Variants in COPS5 observed in about 807,000 individuals in gnomAD.
COPS5 encodes COP9 signalosome subunit 5, also known as COP9 signalosome complex subunit 5.
COPS5 carries 8 observed loss-of-function variants against 44.4 expected under a neutral mutation model. The observed-to-expected ratio is 0.18, with a 90% CI of 0.11 to 0.32. COPS5 has a LOEUF of 0.32. COPS5 is among the 10% of genes least tolerant of loss of function. The pLI, the probability that COPS5 is intolerant of heterozygous loss-of-function variation, is 1.00. For synonymous variants in COPS5, 122 were observed against 142.8 expected (o/e 0.85, Z 1.04); for missense variants, 159 against 406.4 (o/e 0.39, Z 5.23).
intron 6 of COPS5, among the ~76,000 whole-genome samples, chr8:67,050,168 A>AT (rs1327358937): frequency 6.6e-6 from 1 of 151,656 alleles, no homozygotes. Context: ...CGCCCGGCTA[A>AT]TTTTTTGTAT....
intron 1 of COPS5, chr8:67,060,397 G>A (rs1804567515): frequency 2.4e-6 from 3 of 1,270,158 alleles, no homozygotes; most frequent in East Asian, 5.6e-5. Flanking sequence ...GTCAGTCAAC[G>A]TCTCTACAAA....
intron 5 of COPS5, among the ~76,000 whole-genome samples, chr8:67,054,004 TAA>T (rs1205430314): frequency 6.3e-4 from 81 of 128,590 alleles, no homozygotes; most frequent in Admixed American, 9.6e-4. Flanking sequence ...AGACTCCATT[TAA>T]AAAAAAAAAA....
rs564731932 is a variant in COPS5, at chr8:67,057,167, A to G, written c.573+213T>C. On this transcript the variant is annotated intron_variant, in intron 4 of 7. Transcript: ENST00000357849. ...AGAGATATTGCTAATGTCTTTAATA[A>G]TAAGTCAAATATTTGGAATTTAAAA... Among the ~76,000 whole-genome samples, 15 of 152,340 alleles carry G rather than the reference A, an allele frequency of 9.8e-5. No individual in the cohort carries two copies. In the South Asian group the frequency reaches 3.1e-3, roughly 32 times the overall value.
chr8:67,058,005 A>G (rs988822404), intron 3 of COPS5, 78 bp downstream of exon 3: 29 of 1,470,696 alleles, frequency 2.0e-5, no homozygotes, highest in Non-Finnish European at 2.7e-5. Context: ...TCTTTACTAC[A>G]CTATTCTTAT....
chr8:67,050,955 A>G (rs2129537825), intron 6 of COPS5, among the ~76,000 whole-genome samples: 1 of 152,010 alleles, frequency 6.6e-6, no homozygotes, highest in South Asian at 2.1e-4. Context: ...CAATATGTGT[A>G]TTTTTTTAAT....
At chr8:67,044,967 A>T (rs1168104242) in intron 7 of COPS5, 1 of 152,158 alleles carries the variant, frequency 6.6e-6, no homozygotes, top group Admixed American at 6.5e-5. Flanking sequence ...TATATATCTG[A>T]AGGTCCACAT....
At chr8:67,054,013 A>AC (rs1804459450) in intron 5 of COPS5, among the ~76,000 whole-genome samples, 1 of 151,854 alleles carries the variant, frequency 6.6e-6, no homozygotes, top group African/African-American at 2.4e-5. Context: ...TTAAAAAAAA[A>AC]AAAAAAAAAA....
intron 6 of COPS5, among the ~76,000 whole-genome samples, chr8:67,048,753 C>T (rs939599203): frequency 4.0e-5 from 6 of 150,582 alleles, no homozygotes; most frequent in Middle Eastern, 3.2e-3. Context: ...AAATAATAGG[C>T]TTAAGTGAGG....
At chr8:67,048,540 C>A (rs983836206) in intron 6 of COPS5, among the ~76,000 whole-genome samples, 3 of 151,336 alleles carry the variant, frequency 2.0e-5, no homozygotes, top group East Asian at 3.9e-4. Context: ...GATGGTGAAA[C>A]CCCATCTCTA....
intron 6 of COPS5, 92 bp from the exon 7 acceptor site, chr8:67,046,052 A>C (rs530011251): frequency 3.0e-5 from 38 of 1,262,678 alleles, no homozygotes; most frequent in Non-Finnish European, 4.2e-5. Flanking sequence ...TCTACAAAGA[A>C]TATTTCATTT....
At chr8:67,045,257 GC>G (rs775692025) in intron 7 of COPS5, 1 of 152,248 alleles carries the variant, frequency 6.6e-6, no homozygotes, top group Non-Finnish European at 1.5e-5. Flanking sequence ...TTCAAGACCA[GC>G]CTGGTCAACA....
At chr8:67,049,774 G>C (rs1305848313) in intron 6 of COPS5, among the ~76,000 whole-genome samples, 3 of 152,138 alleles carry the variant, frequency 2.0e-5, no homozygotes, top group African/African-American at 7.2e-5. Flanking sequence ...TGCCGGTCCT[G>C]CTATGACTCC....
intron 4 of COPS5, 134 bp downstream of exon 4, chr8:67,057,246 A>C (rs1441160896): frequency 2.3e-6 from 1 of 439,774 alleles, no homozygotes; most frequent in African/African-American, 2.0e-5. Context: ...CGTCCCAGCT[A>C]CTTGGGAGGC....
chr8:67,043,222 T>C lies in COPS5; in HGVS notation c.*11A>G, dbSNP rs760359761. The C allele has an allele frequency of 6.8e-7, 1 of 1,459,976 alleles. No homozygotes were observed. Among genetic ancestry groups the C allele is most frequent in the East Asian group, 2.3e-5 (1 of 43,776 alleles). 90.4% of individuals were successfully genotyped at this position (1,459,976 alleles called of 1,614,324 possible). Reference sequence around the variant, plus strand: ...TACTGTCTTTCAGGTAAAGTACTTCTCAGAGACTGTTTAAGAGATGTTAAT... The same window carrying C: ...TACTGTCTTTCAGGTAAAGTACTTCCCAGAGACTGTTTAAGAGATGTTAAT... On this transcript the variant is annotated 3_prime_UTR_variant, in exon 8 of 8. Coordinates refer to ENST00000357849, the MANE Select transcript of COPS5 (RefSeq NM_006837.3).
intron 5 of COPS5, among the ~76,000 whole-genome samples, chr8:67,055,925 A>G (rs941121596): frequency 1.2e-4 from 18 of 152,008 alleles, no homozygotes; most frequent in African/African-American, 4.3e-4. Context: ...ACACTTTTAT[A>G]ACTTTGACTT....
At chr8:67,057,300 G>T in intron 4 of COPS5, 80 bp downstream of exon 4, 2 of 894,154 alleles carry the variant, frequency 2.2e-6, no homozygotes, top group Non-Finnish European at 3.5e-6. Flanking sequence ...AGTACACTAT[G>T]ATCATGCCTG....
At chr8:67,059,538 AT>A in intron 1 of COPS5, 93 bp from the exon 2 acceptor site, 1 of 880,684 alleles carries the variant, frequency 1.1e-6, no homozygotes, top group Non-Finnish European at 1.8e-6. Context: ...TATTGAAGGA[AT>A]TTAGAGCGAT....
chr8:67,057,472 G>C, intron 3 of COPS5, 27 bp from the exon 4 acceptor site: 1 of 1,482,700 alleles, frequency 6.7e-7, no homozygotes, highest in Non-Finnish European at 9.4e-7. Context: ...TTTAATATCT[G>C]CTGATATAAA....
intron 5 of COPS5, among the ~76,000 whole-genome samples, chr8:67,052,533 T>C (rs1804432104): frequency 6.6e-6 from 1 of 150,438 alleles, no homozygotes; most frequent in Non-Finnish European, 1.5e-5. Flanking sequence ...TTCTCCTGCC[T>C]CAGCCTCCCG....
Sources: allele counts gnomAD v4.1 joint callset (sites outside exome capture counted in the v4.1 genomes callset), GRCh38; gene constraint gnomAD v4.1.1; transcripts MANE v1.5; gene names NCBI Gene and HGNC (gene_info 2026-07-23, HGNC 2026-07-21).